IFT70B: variants seen among roughly 807,000 people sequenced by gnomAD.
IFT70B encodes the protein intraflagellar transport protein 70B.
chr2:177,549,141 T>C, the IFT70B span: 1 of 152,176 alleles, frequency 6.6e-6, no homozygotes, highest in Admixed American at 6.5e-5. Context: ...AGTACAGAAG[T>C]TGTCAAACAA....
At chr2:177,551,113 C>T in the IFT70B span, 1 of 1,614,134 alleles carries the variant, frequency 6.2e-7, no homozygotes, top group South Asian at 1.1e-5. Context: ...TAAAGAGTTC[C>T]TATCACCAAA....
chr2:177,552,764 AACC>A, the IFT70B span: 1 of 1,551,758 alleles, frequency 6.4e-7, no homozygotes, highest in Non-Finnish European at 8.7e-7. Context: ...GGCCAGCCAT[AACC>A]ACCACGGCTG....
the IFT70B span, chr2:177,550,817 C>G: frequency 9.3e-6 from 15 of 1,613,838 alleles, 1 homozygote; most frequent in South Asian, 1.6e-4. Flanking sequence ...ACTGCCTAGA[C>G]TCATATGTGA....
At chr2:177,549,297 AC>A in the IFT70B span, 3 of 152,208 alleles carry the variant, frequency 2.0e-5, no homozygotes, top group Admixed American at 6.5e-5. Flanking sequence ...TAAATTCAAA[AC>A]CATTGAACTT....
chr2:177,551,593 G>A, the IFT70B span: 37 of 1,613,954 alleles, frequency 2.3e-5, no homozygotes, highest in East Asian at 8.9e-5. Context: ...GTAAGTTTCC[G>A]GAGGACCTCA....
chr2:177,552,134 A>G, the IFT70B span: 3 of 1,614,258 alleles, frequency 1.9e-6, no homozygotes, highest in Non-Finnish European at 1.7e-6. Flanking sequence ...TCTCAGCGAT[A>G]TGCTTCAGTG....
At chr2:177,551,885 C>G in the IFT70B span, 1 of 1,614,228 alleles carries the variant, frequency 6.2e-7, no homozygotes, top group Non-Finnish European at 8.5e-7. Flanking sequence ...TCATTAGTGC[C>G]TGGTTGTGTA....
At chr2:177,552,545 C>T in the IFT70B span, 6 of 1,598,506 alleles carry the variant, frequency 3.8e-6, no homozygotes, top group East Asian at 1.3e-4. Context: ...CCGGGTGCAG[C>T]TGGCCCAGCT....
chr2:177,549,963 C>T, the IFT70B span: 1 of 152,192 alleles, frequency 6.6e-6, no homozygotes, highest in African/African-American at 2.4e-5. Context: ...ATGCTTAAGC[C>T]TAGGAGCTGG....
At chr2:177,551,078 A>G in the IFT70B span, 1 of 1,614,074 alleles carries the variant, frequency 6.2e-7, no homozygotes, top group Admixed American at 1.7e-5. Context: ...GAGAAATACC[A>G]AAGTCATAAT....
chr2:177,552,032 G>A, the IFT70B span: 17 of 1,614,112 alleles, frequency 1.1e-5, no homozygotes, highest in East Asian at 2.2e-5. Flanking sequence ...TCTGATGGAG[G>A]ACTAAGGTGT....
the IFT70B span, chr2:177,551,515 C>A: frequency 6.2e-7 from 1 of 1,614,266 alleles, no homozygotes; most frequent in Admixed American, 1.7e-5. Context: ...ATGGTTTCAT[C>A]ATATTCATTC....
At chr2:177,552,644 C>T in the IFT70B span, 1 of 1,590,080 alleles carries the variant, frequency 6.3e-7, no homozygotes, top group Non-Finnish European at 8.6e-7. Flanking sequence ...TCCTAGGGCT[C>T]CGCTGCAGTT....
chr2:177,551,904 G>C, the IFT70B span: 1 of 1,614,214 alleles, frequency 6.2e-7, no homozygotes, highest in Non-Finnish European at 8.5e-7. Flanking sequence ...TAGGGTCACA[G>C]GGTCCAACTC....
the IFT70B span, chr2:177,552,175 C>T: frequency 6.2e-7 from 1 of 1,614,184 alleles, no homozygotes; most frequent in Non-Finnish European, 8.5e-7. Flanking sequence ...CTGTAATAGG[C>T]CAAAGCCAGG....
the IFT70B span, chr2:177,549,950 A>G: frequency 6.6e-6 from 1 of 152,220 alleles, no homozygotes; most frequent in Non-Finnish European, 1.5e-5. Context: ...CTGAAGTGGG[A>G]GTATGCTTAA....
chr2:177,549,267 AATT>A, the IFT70B span: 2 of 152,206 alleles, frequency 1.3e-5, no homozygotes, highest in African/African-American at 4.8e-5. Flanking sequence ...CAGCTCAGAT[AATT>A]AAGATTTAAA....
At chr2:177,552,515 C>T in the IFT70B span, 5 of 1,602,910 alleles carry the variant, frequency 3.1e-6, no homozygotes, top group Non-Finnish European at 4.3e-6. Context: ...GGGCCTGGTA[C>T]AGGCGGTACT....
the IFT70B span, chr2:177,551,655 G>T: frequency 6.2e-7 from 1 of 1,614,248 alleles, no homozygotes; most frequent in Non-Finnish European, 8.5e-7. Context: ...TTCAGGAGCT[G>T]TCTGGCAAGT....
Sources: allele counts gnomAD v4.1 joint callset, GRCh38; gene constraint gnomAD v4.1.1; transcripts MANE v1.5; gene names NCBI Gene and HGNC (gene_info 2026-07-23, HGNC 2026-07-21).